Variants in PCM1 observed in about 807,000 individuals in gnomAD.
PCM1 encodes pericentriolar material 1.
Under a neutral mutation model 241.9 loss-of-function variants are expected in PCM1, and 157 were observed. The ratio of observed to expected loss-of-function variants is 0.65; its 90% CI spans 0.57 to 0.74. The LOEUF (loss-of-function observed/expected upper bound fraction) is 0.74, where lower values mean the gene tolerates loss of function less well. Ranked by LOEUF, PCM1 falls within the 30% of genes least tolerant of loss-of-function variation. The pLI is 0.00. For synonymous variants in PCM1, 1,085 were observed against 784.9 expected, an observed-to-expected ratio of 1.38 and a Z score of -6.39; for missense variants, 3,478 against 2,360.1, an observed-to-expected ratio of 1.47 and a Z score of -9.81.
rs1008420638 is a variant in PCM1, at chr8:17,937,320, C to T, written c.283C>T (p.Pro95Ser). 3.7e-6 allele frequency: 6 copies of T among 1,608,120 alleles called. No homozygotes were observed. Among genetic ancestry groups the T allele is most frequent in the East Asian group, 4.5e-5 (2 of 44,782 alleles). Residue 95 changes from proline (P) to serine (S), a missense_variant, in exon 4 of 39, where the codon CCA becomes TCA. Physicochemically the swap from Pro to Ser is moderately conservative, Grantham distance 74 (BLOSUM62 -1). Coordinates refer to ENST00000325083, the MANE Select transcript of PCM1 (RefSeq NM_006197.4). The part of the protein sequence containing the change: ...HSRYMSQMSV[P>S]EQAELEKLKQ... Reference sequence around the variant, plus strand: ...TAGATACATGAGTCAGATGTCTGTCCCAGAGCAGGCAGAATTAGAGAAACT... The same window carrying T: ...TAGATACATGAGTCAGATGTCTGTCTCAGAGCAGGCAGAATTAGAGAAACT...
intron 38 of PCM1, among the ~76,000 whole-genome samples, chr8:18,026,148 A>G (rs7812794): frequency 0.79 from 70,233 of 89,270 alleles, 28,053 homozygotes; most frequent in Middle Eastern, 0.85. Context: ...TGGGTGAAAG[A>G]GCGAGACTCC....
chr8:17,924,686 G>C (rs2056203583), intron 1 of PCM1, 27 bp from the exon 2 acceptor site: 1 of 152,222 alleles, frequency 6.6e-6, no homozygotes, highest in Non-Finnish European at 1.5e-5. Flanking sequence ...ATTTACTTAA[G>C]TGATACATAT....
chr8:17,958,858 A>G (rs942120096), intron 13 of PCM1, among the ~76,000 whole-genome samples: 3 of 152,066 alleles, frequency 2.0e-5, no homozygotes, highest in Non-Finnish European at 4.4e-5. Flanking sequence ...AGTAGCTGGA[A>G]TTACAGATGT....
intron 2 of PCM1, among the ~76,000 whole-genome samples, chr8:17,928,661 T>A (rs2057964136): frequency 6.9e-6 from 1 of 144,630 alleles, no homozygotes; most frequent in East Asian, 2.0e-4. Context: ...AGGCGGAGTT[T>A]CTCTCTTGTT....
chr8:17,990,151 G>C (rs1210006248), intron 27 of PCM1, among the ~76,000 whole-genome samples, 172 bp downstream of exon 27: 1 of 152,058 alleles, frequency 6.6e-6, no homozygotes, highest in Non-Finnish European at 1.5e-5. Context: ...TCTTAACCCT[G>C]TGAGCAAATC....
At chr8:17,923,566 G>C (rs1662093515) in intron 1 of PCM1, among the ~76,000 whole-genome samples, 1 of 152,148 alleles carries the variant, frequency 6.6e-6, no homozygotes, top group African/African-American at 2.4e-5. Flanking sequence ...GGGGCACTGG[G>C]TCGAGTTCTT....
intron 7 of PCM1, among the ~76,000 whole-genome samples, chr8:17,948,201 C>T (rs918014877): frequency 2.6e-5 from 4 of 151,744 alleles, no homozygotes; most frequent in African/African-American, 9.7e-5. Flanking sequence ...TTCTGCTGTC[C>T]AAACCTAGCC....
At chr8:17,937,406 G>A (rs1487438913) in intron 4 of PCM1, 27 bp downstream of exon 4, 8 of 1,519,870 alleles carry the variant, frequency 5.3e-6, no homozygotes, top group Middle Eastern at 3.4e-4. Context: ...TAAAAATGAA[G>A]CTATTACTGT....
At chr8:17,967,895 C>T (rs979353585) in intron 21 of PCM1, among the ~76,000 whole-genome samples, 4 of 152,080 alleles carry the variant, frequency 2.6e-5, no homozygotes, top group Admixed American at 2.6e-4. Context: ...ATGTACCAGA[C>T]ACTATGTAAG....
At chr8:17,942,645 T>A (rs187711990) in intron 6 of PCM1, among the ~76,000 whole-genome samples, 98 of 152,136 alleles carry the variant, frequency 6.4e-4, no homozygotes, top group African/African-American at 2.1e-3. Context: ...TTTCCATGAT[T>A]TGCATAATGG....
Position 17,937,267 on chromosome 8 carries a change from C to T in PCM1, c.230C>T (p.Thr77Ile), listed in dbSNP as rs566608274. The change falls in exon 4 of 39, where the codon ACA becomes ATA. Residue 77 changes from threonine (T) to isoleucine (I), a missense_variant. Transcript: ENST00000325083. ...TCACCAGGAGTTGGAAGGCGAAGAA[C>T]AAAGACTCCACATACGTTCCCACAC... ...ESSPGVGRRR[T>I]KTPHTFPHSR... 1.4e-5 allele frequency: 23 copies of T among 1,611,218 alleles called. No homozygotes were observed. In the African/African-American group the frequency reaches 3.1e-4, roughly 21 times the overall value.
chr8:17,953,120 C>G lies in PCM1; in HGVS notation c.1222C>G (p.Gln408Glu), dbSNP rs770978084. Residue 408 changes from glutamine to glutamate, a missense_variant, in exon 9 of 39, where the codon CAA (glutamine) becomes GAA (glutamate). Gln to Glu is a conservative substitution (Grantham distance 29). Coordinates refer to ENST00000325083, the MANE Select transcript of PCM1 (RefSeq NM_006197.4). Reference protein sequence around the residue: ...SKMRVLQEKKQKMDKLLGELH... With the variant: ...SKMRVLQEKKEKMDKLLGELH... ...AATGAGAGTGCTACAGGAAAAGAAA[C>G]AAAAAATGGACAAATTGCTTGGAGA... The G allele has an allele frequency of 6.3e-6, 10 of 1,595,764 alleles. No homozygotes were observed. In the East Asian group the frequency reaches 1.1e-4, roughly 18 times the overall value.
At chr8:17,956,496 C>T in intron 10 of PCM1, 108 bp from the exon 11 acceptor site, 1 of 670,032 alleles carries the variant, frequency 1.5e-6, no homozygotes, top group South Asian at 1.9e-5. Flanking sequence ...GTGGATATTC[C>T]ATTAGGTCTA....
chr8:18,003,872 T>G (rs922005334), intron 29 of PCM1, among the ~76,000 whole-genome samples: 9 of 152,150 alleles, frequency 5.9e-5, no homozygotes, highest in Non-Finnish European at 1.0e-4. Context: ...GTGAATTGGT[T>G]TAAATTTTCT....
At chr8:17,993,247 T>C (rs2085414227) in intron 28 of PCM1, among the ~76,000 whole-genome samples, 1 of 152,116 alleles carries the variant, frequency 6.6e-6, no homozygotes, top group African/African-American at 2.4e-5. Flanking sequence ...GGTATATTTT[T>C]TATTGATTAC....
intron 3 of PCM1, 69 bp downstream of exon 3, chr8:17,935,775 A>G (rs1369630425): frequency 2.6e-5 from 20 of 757,122 alleles, no homozygotes; most frequent in Non-Finnish European, 4.5e-5. Flanking sequence ...CCCCCTGACC[A>G]AATTTAACTC....
rs781031898 is a variant in PCM1, at chr8:17,950,614, G to A, written c.962-1G>A. ...ATCAGTAGTTACTAATTTCTTTCCA[G>A]TTGTTGCAGAAACTGCAGGTAGCTT... On this transcript the variant is annotated splice_acceptor_variant, in intron 7 of 38. Coordinates refer to ENST00000325083, the MANE Select transcript of PCM1 (RefSeq NM_006197.4). LOFTEE classifies it high-confidence loss of function. The A allele has an allele frequency of 1.3e-6, 2 of 1,535,204 alleles. No individual in the cohort carries two copies. Among genetic ancestry groups the A allele is most frequent in the African/African-American group, 1.4e-5 (1 of 73,552 alleles).
intron 26 of PCM1, among the ~76,000 whole-genome samples, chr8:17,987,820 A>G (rs897667222): frequency 2.6e-5 from 4 of 151,902 alleles, no homozygotes; most frequent in South Asian, 4.1e-4. Context: ...CATTAGCTAC[A>G]TGTGGCTAGC....
rs79584877 is a variant in PCM1 at position 17,926,619 on chromosome 8, T to A, written c.-23+1839T>A. 0.013 allele frequency: 1,925 copies of A among 152,316 alleles called. 106 individuals carry two copies. In the East Asian group the frequency reaches 0.19, roughly 15 times the overall value. The allele number at this position is 152,316 out of a possible 1,614,324, so 9.4% of individuals were successfully genotyped here. A position where few individuals can be genotyped will look rare whatever the true frequency, so the allele number is the denominator to read the frequency against. ...AGCAGAGAAAACAGACAGTGGAGTT[T>A]AGCCAGAATTGAGTCGACACAGTAC... On this transcript the variant is annotated intron_variant, in intron 2 of 38. Coordinates refer to ENST00000325083, the MANE Select transcript of PCM1 (RefSeq NM_006197.4).
Sources: allele counts gnomAD v4.1 joint callset (sites outside exome capture counted in the v4.1 genomes callset), GRCh38; gene constraint gnomAD v4.1.1; transcripts MANE v1.5; gene names NCBI Gene and HGNC (gene_info 2026-07-23, HGNC 2026-07-21).